Variants in SUPT3H observed in about 807,000 individuals in gnomAD.
SUPT3H encodes the protein transcription initiation protein SPT3 homolog.
Under a neutral mutation model 44.3 loss-of-function variants are expected in SUPT3H, and 44 were observed. That is an observed-to-expected ratio of 0.99 (90% CI 0.78 to 1.28). The LOEUF is 1.28. SUPT3H is among the 50% of genes most tolerant of loss of function. The pLI, the probability that SUPT3H is intolerant of heterozygous loss-of-function variation, is 0.00. For missense variants in SUPT3H, 380 were observed against 387.1 expected (o/e 0.98, Z 0.15); for synonymous variants, 124 against 125.6 (o/e 0.99, Z 0.09).
chr6:45,375,544 G>C (rs1796659237), intron 1 of SUPT3H, among the ~76,000 whole-genome samples: 1 of 151,720 alleles, frequency 6.6e-6, no homozygotes, highest in Admixed American at 6.6e-5. Flanking sequence ...AAGACCAAGA[G>C]CATCATTTTT....
intron 10 of SUPT3H, among the ~76,000 whole-genome samples, chr6:44,869,712 C>T (rs1776058553): frequency 6.6e-6 from 1 of 152,180 alleles, no homozygotes; most frequent in African/African-American, 2.4e-5. Context: ...GTGCCACAGT[C>T]CACCGGAAGA....
At chr6:45,049,884 A>G (rs1030983111) in intron 3 of SUPT3H, among the ~76,000 whole-genome samples, 2 of 152,232 alleles carry the variant, frequency 1.3e-5, no homozygotes, top group Non-Finnish European at 2.9e-5. Flanking sequence ...AATAATATGG[A>G]AAAATTCATG....
intron 6 of SUPT3H, among the ~76,000 whole-genome samples, chr6:44,991,064 A>C (rs887419808): frequency 1.3e-5 from 2 of 152,046 alleles, no homozygotes; most frequent in African/African-American, 4.8e-5. Flanking sequence ...ACTGTCTTCT[A>C]CTATTTGAGG....
chr6:45,294,702 A>T (rs1780843278), intron 2 of SUPT3H, among the ~76,000 whole-genome samples: 1 of 149,624 alleles, frequency 6.7e-6, no homozygotes, highest in Non-Finnish European at 1.5e-5. Context: ...TTGAGAATCA[A>T]ATCAAGAATC....
intron 2 of SUPT3H, among the ~76,000 whole-genome samples, chr6:45,147,489 C>T (rs1806268826): frequency 1.3e-5 from 2 of 152,058 alleles, no homozygotes; most frequent in Admixed American, 6.6e-5. Flanking sequence ...ACTTAGACTT[C>T]AGCGAGGCCA....
intron 2 of SUPT3H, among the ~76,000 whole-genome samples, chr6:45,282,686 CCCAATCTAGCAAGGCAGG>C: frequency 6.6e-6 from 1 of 152,226 alleles, no homozygotes; most frequent in East Asian, 1.9e-4. Context: ...GAAGAACTTC[CCCAATCTAGCAAGGCAGG>C]CCAACATGCA....
chr6:45,291,505 G>A (rs1205333410), intron 2 of SUPT3H, among the ~76,000 whole-genome samples: 2 of 152,108 alleles, frequency 1.3e-5, no homozygotes, highest in African/African-American at 4.8e-5. Context: ...GCTAATAGGG[G>A]AGACACCAGA....
At chr6:45,257,010 C>T (rs923052549) in intron 2 of SUPT3H, among the ~76,000 whole-genome samples, 2 of 152,176 alleles carry the variant, frequency 1.3e-5, no homozygotes, top group South Asian at 2.1e-4. Flanking sequence ...TGAGGAACTA[C>T]TAGTTTGTTT....
intron 10 of SUPT3H, among the ~76,000 whole-genome samples, chr6:44,834,901 C>T (rs1769532738): frequency 6.6e-6 from 1 of 152,210 alleles, no homozygotes; most frequent in South Asian, 2.1e-4. Flanking sequence ...GGAAGGAACA[C>T]AACTTAATTA....
At chr6:45,317,227 CAAAAAAAAAAA>C (rs70996324) in intron 2 of SUPT3H, among the ~76,000 whole-genome samples, 19 of 36,082 alleles carry the variant, frequency 5.3e-4, no homozygotes, top group East Asian at 8.9e-4. Context: ...GACTCTGTCT[CAAAAAAAAAAA>C]AAAAAAAAAA....
At chr6:44,913,311 T>C (rs1437257236) in intron 10 of SUPT3H, among the ~76,000 whole-genome samples, 1 of 152,224 alleles carries the variant, frequency 6.6e-6, no homozygotes, top group African/African-American at 2.4e-5. Context: ...CCTGTGTTTA[T>C]CATTGGCTTT....
intron 6 of SUPT3H, among the ~76,000 whole-genome samples, chr6:44,996,531 A>G (rs1297151616): frequency 6.6e-6 from 1 of 151,892 alleles, no homozygotes; most frequent in African/African-American, 2.4e-5. Context: ...GTGACCTTTC[A>G]GAATATTTTA....
intron 2 of SUPT3H, among the ~76,000 whole-genome samples, chr6:45,239,996 G>C (rs1027169313): frequency 4.6e-5 from 7 of 152,218 alleles, no homozygotes; most frequent in African/African-American, 1.7e-4. Context: ...CAGCTGCAAA[G>C]ACAGAAGCAG....
chr6:44,893,491 A>C (rs370852487), intron 10 of SUPT3H, among the ~76,000 whole-genome samples: 1 of 151,756 alleles, frequency 6.6e-6, no homozygotes, highest in South Asian at 2.1e-4. Flanking sequence ...TTGTTCTTGC[A>C]ATAGTTTACT....
intron 3 of SUPT3H, among the ~76,000 whole-genome samples, chr6:45,058,076 G>T (rs1791415498): frequency 6.6e-6 from 1 of 151,990 alleles, no homozygotes; most frequent in Admixed American, 6.6e-5. Context: ...AAAATTATGG[G>T]GTGCTTATTT....
At chr6:44,876,836 G>GAAAAAAAAAAAAAAAA (rs200454659) in intron 10 of SUPT3H, among the ~76,000 whole-genome samples, 1 of 92,248 alleles carries the variant, frequency 1.1e-5, no homozygotes, top group Non-Finnish European at 2.1e-5. Context: ...ATCTTCAATT[G>GAAAAAAAAAAAAAAAA]AAAAAAAAAA....
At chr6:45,328,350 C>T in intron 2 of SUPT3H, 1 of 1,379,644 alleles carries the variant, frequency 7.2e-7, no homozygotes, top group Non-Finnish European at 9.7e-7. Context: ...CAAACAACCA[C>T]AGAACCACAA....
Position 45,145,053 on chromosome 6 carries a change from G to A in SUPT3H, c.102-39047C>T, listed in dbSNP as rs193162878. 2.1e-3 allele frequency among the ~76,000 whole-genome samples: 325 copies of A among 152,214 alleles called. 1 individual carries two copies. The highest frequency in any genetic ancestry group is 7.5e-3 in the African/African-American group (311 of 41,554). On this transcript the variant is annotated intron_variant, in intron 2 of 10. Transcript: ENST00000371459. ...AAATAGAAACACATCCCATGCTCAT[G>A]GATGGGGAGAATTCATATTGTGAAC... is the stretch of plus-strand genomic sequence containing the variant.
At chr6:44,931,323 T>C (rs1456265330) in intron 10 of SUPT3H, among the ~76,000 whole-genome samples, 1 of 152,202 alleles carries the variant, frequency 6.6e-6, no homozygotes, top group Non-Finnish European at 1.5e-5. Flanking sequence ...AACCTATTCA[T>C]CATTATTTGA....
Sources: allele counts gnomAD v4.1 joint callset (sites outside exome capture counted in the v4.1 genomes callset), GRCh38; gene constraint gnomAD v4.1.1; transcripts MANE v1.5; gene names NCBI Gene and HGNC (gene_info 2026-07-23, HGNC 2026-07-21).